Variants in CERS6 observed in about 807,000 individuals in gnomAD.
CERS6 encodes the protein ceramide synthase 6, also known as LAG1 homolog, ceramide synthase 6.
In CERS6, 26 loss-of-function variants were observed where a neutral mutation model predicts 56.8. The observed-to-expected ratio is 0.46, with a 90% CI of 0.34 to 0.63. The LOEUF (loss-of-function observed/expected upper bound fraction) is 0.63, where lower values mean the gene tolerates loss of function less well. CERS6 is among the 30% of genes least tolerant of loss of function. The pLI, the probability that CERS6 is intolerant of heterozygous loss-of-function variation, is 0.01. For synonymous variants in CERS6, 164 were observed against 173.3 expected (o/e 0.95, Z 0.42); for missense variants, 415 against 467.5 (o/e 0.89, Z 1.04).
rs189680632 is a variant in CERS6, at chr2:168,675,249, G to A, written c.466-15785G>A. 2.2e-3 allele frequency among the ~76,000 whole-genome samples: 339 copies of A among 152,194 alleles called. 2 individuals carry two copies. The highest frequency in any genetic ancestry group is 7.8e-3 in the African/African-American group (323 of 41,538). ...AGCCTCCCAAAGTGCTGGGATTACAGGCGTGAGCCACCGCGCCCAGTTTAC... is the reference window on the plus strand; with the variant it reads ...AGCCTCCCAAAGTGCTGGGATTACAAGCGTGAGCCACCGCGCCCAGTTTAC... On this transcript the variant is annotated intron_variant, in intron 4 of 9. Transcript: ENST00000305747.
At chr2:168,603,953 C>G (rs1448515498) in intron 3 of CERS6, among the ~76,000 whole-genome samples, 1 of 152,144 alleles carries the variant, frequency 6.6e-6, no homozygotes, top group South Asian at 2.1e-4. Context: ...ATCTTATTGA[C>G]CTAGAGCCTG....
intron 1 of CERS6, among the ~76,000 whole-genome samples, chr2:168,509,458 G>A (rs913839214): frequency 3.9e-5 from 6 of 152,116 alleles, no homozygotes; most frequent in Admixed American, 2.6e-4. Flanking sequence ...GAAAAACAAT[G>A]GGTCTATGAA....
At chr2:168,498,193 G>A (rs1371166990) in intron 1 of CERS6, among the ~76,000 whole-genome samples, 2 of 152,116 alleles carry the variant, frequency 1.3e-5, no homozygotes, top group African/African-American at 4.8e-5. Context: ...TAAGGTTATT[G>A]ATAACCTCTT....
chr2:168,506,109 G>A (rs182074735), intron 1 of CERS6, among the ~76,000 whole-genome samples: 98 of 152,186 alleles, frequency 6.4e-4, no homozygotes, highest in African/African-American at 2.2e-3. Flanking sequence ...CAATTCATGC[G>A]GCCTTCTAGA....
At chr2:168,488,090 G>A (rs1389891175) in intron 1 of CERS6, among the ~76,000 whole-genome samples, 1 of 152,096 alleles carries the variant, frequency 6.6e-6, no homozygotes, top group Non-Finnish European at 1.5e-5. Flanking sequence ...TAGGAATTTA[G>A]CACCTTTGTC....
chr2:168,731,663 T>C (rs572749203), intron 8 of CERS6, among the ~76,000 whole-genome samples: 1 of 152,150 alleles, frequency 6.6e-6, no homozygotes, highest in African/African-American at 2.4e-5. Flanking sequence ...TTCCATGCAG[T>C]CATCCAAGGA....
At chr2:168,529,223 G>A (rs1475503285) in intron 1 of CERS6, among the ~76,000 whole-genome samples, 2 of 152,160 alleles carry the variant, frequency 1.3e-5, no homozygotes, top group Admixed American at 1.3e-4. Flanking sequence ...CATTCTTTCT[G>A]TTGTTCTCAG....
At chr2:168,647,324 C>T (rs1248927059) in intron 4 of CERS6, among the ~76,000 whole-genome samples, 1 of 152,066 alleles carries the variant, frequency 6.6e-6, no homozygotes, top group Non-Finnish European at 1.5e-5. Context: ...CTTGGCTTGA[C>T]TGTTGTTGGT....
intron 6 of CERS6, among the ~76,000 whole-genome samples, chr2:168,698,463 CAA>C (rs1686723192): frequency 6.6e-6 from 1 of 151,924 alleles, no homozygotes; most frequent in African/African-American, 2.4e-5. Context: ...GGAGCAGAAG[CAA>C]AAGAGAGGGA....
intron 6 of CERS6, among the ~76,000 whole-genome samples, chr2:168,713,295 T>A (rs966107775): frequency 1.3e-5 from 2 of 152,200 alleles, no homozygotes; most frequent in African/African-American, 4.8e-5. Context: ...TGCTTTTCAT[T>A]TTCTTGCTGT....
chr2:168,760,883 G>A (rs550132471), intron 8 of CERS6, among the ~76,000 whole-genome samples: 1 of 152,076 alleles, frequency 6.6e-6, no homozygotes, highest in Non-Finnish European at 1.5e-5. Flanking sequence ...AGCCTCCCGC[G>A]TAGCTGGGAC....
At chr2:168,630,301 TACACACAC>T (rs3066962) in intron 3 of CERS6, among the ~76,000 whole-genome samples, 6 of 140,112 alleles carry the variant, frequency 4.3e-5, no homozygotes, top group South Asian at 2.6e-4. Flanking sequence ...GTAATAAGTA[TACACACAC>T]ACACACACAC....
intron 3 of CERS6, among the ~76,000 whole-genome samples, chr2:168,581,567 A>G (rs2084972): frequency 0.74 from 112,644 of 151,982 alleles, 43,300 homozygotes; most frequent in Middle Eastern, 0.88. Context: ...TCTGTTTATT[A>G]TCTTCTCCTT....
intron 4 of CERS6, among the ~76,000 whole-genome samples, chr2:168,661,762 G>T (rs546856748): frequency 6.6e-6 from 1 of 152,326 alleles, no homozygotes; most frequent in East Asian, 1.9e-4. Flanking sequence ...AAAGTAACAA[G>T]ATACAGAAGC....
In CERS6 at chr2:168,561,246, C is replaced by T. The variant is rs1173624557; in HGVS notation, c.331C>T (p.Arg111Ter). 2 of 1,614,020 alleles carry T rather than the reference C, an allele frequency of 1.2e-6. No individual in the cohort carries two copies. Among genetic ancestry groups the T allele is most frequent in the South Asian group, 2.2e-5 (2 of 91,066 alleles). The change falls in exon 3 of 10, where the codon CGA becomes TGA. Residue 111 changes from arginine (R) to a stop codon, truncating the protein, a stop_gained. Transcript: ENST00000305747. LOFTEE classifies it high-confidence loss of function. ...CTCCAAGCAACTGGACTGGGATGTT[C>T]GAAGCATTCAGCGCTGGTTTCGACA... ...GLSKQLDWDV[R>*]SIQRWFRQRR...
intron 1 of CERS6, among the ~76,000 whole-genome samples, chr2:168,520,205 GT>G (rs1221821958): frequency 6.6e-6 from 1 of 152,092 alleles, no homozygotes. Flanking sequence ...TTTTTCATAT[GT>G]TTGTTGTTGC....
intron 1 of CERS6, among the ~76,000 whole-genome samples, chr2:168,464,489 C>T (rs139321087): frequency 1.5e-4 from 23 of 152,140 alleles, no homozygotes; most frequent in East Asian, 7.7e-4. Context: ...TTCTTCCTCC[C>T]GACTCTTCCC....
At chr2:168,556,646 T>C (rs976546454) in intron 2 of CERS6, among the ~76,000 whole-genome samples, 60 of 152,186 alleles carry the variant, frequency 3.9e-4, no homozygotes, top group African/African-American at 1.4e-3. Flanking sequence ...GAAGTATTTA[T>C]TGAGTCTTGC....
In CERS6 at chr2:168,645,112, A is replaced by ATAT. The variant is rs1421470329; in HGVS notation, c.465+14070_465+14071insTAT. Among the ~76,000 whole-genome samples the ATAT allele has an allele frequency of 1.6e-3, 74 of 47,660 alleles. 6 individuals carry two copies. Among genetic ancestry groups the ATAT allele is most frequent in the Non-Finnish European group, 2.4e-3 (58 of 24,420 alleles). 31.3% of individuals were successfully genotyped at this position (47,660 alleles called of 152,430 possible). On this transcript the variant is annotated intron_variant, in intron 4 of 9. Coordinates refer to ENST00000305747, the MANE Select transcript of CERS6 (RefSeq NM_203463.3). ...TCTTAAAAAAAAAAAAAAAAAAAAAAAAAAATATATATATATATATATATA... is the reference window on the plus strand; with the variant it reads ...TCTTAAAAAAAAAAAAAAAAAAAAAATATAAAAATATATATATATATATATATA...
Sources: allele counts gnomAD v4.1 joint callset (sites outside exome capture counted in the v4.1 genomes callset), GRCh38; gene constraint gnomAD v4.1.1; transcripts MANE v1.5; gene names NCBI Gene and HGNC (gene_info 2026-07-23, HGNC 2026-07-21).